The following GNG7 variants were observed in gnomAD, a reference collection of about 807,000 sequenced individuals.
GNG7 encodes the protein guanine nucleotide-binding protein G(I)/G(S)/G(O) subunit gamma-7.
GNG7 carries 1 observed loss-of-function variant against 4.0 expected under a neutral mutation model. That is an observed-to-expected ratio of 0.25 (90% CI 0.09 to 1.18). The LOEUF (loss-of-function observed/expected upper bound fraction) is 1.18. Ranked by LOEUF, GNG7 falls within the 50% of genes most tolerant of loss-of-function variation. GNG7 has a pLI of 0.50. For missense variants in GNG7, 86 were observed against 91.9 expected (o/e 0.94, Z 0.26); for synonymous variants, 34 against 36.9 (o/e 0.92, Z 0.29).
chr19:2,568,604 T>C (rs1980030672), intron 2 of GNG7, among the ~76,000 whole-genome samples: 2 of 149,092 alleles, frequency 1.3e-5, no homozygotes, highest in East Asian at 2.0e-4. Flanking sequence ...TATATAGACA[T>C]ACACACATAT....
In GNG7 at chr19:2,633,485, GCGCACACACACACACACACACACACA is replaced by G. The variant is rs1207269039; in HGVS notation, c.-78+12713_-78+12738del. Among the ~76,000 whole-genome samples, 4 of 131,914 alleles carry G rather than the reference GCGCACACACACACACACACACACACA, an allele frequency of 3.0e-5. No individual in the cohort carries two copies. The highest frequency in any genetic ancestry group is 6.4e-5 in the Non-Finnish European group (4 of 62,046). 86.5% of individuals were successfully genotyped at this position (131,914 alleles called of 152,430 possible). On this transcript the variant is annotated intron_variant, in intron 2 of 4. Coordinates refer to ENST00000382159, the MANE Select transcript of GNG7 (RefSeq NM_052847.3). The surrounding 1 kb of genome is among the most constrained non-coding windows in gnomAD (Gnocchi z 5.9). ...CTTAGCAACAGGCGCGCGCGCGCGC[GCGCACACACACACACACACACACACA>G]CACACACACACACGAGAGGTGGCTG...
chr19:2,566,410 G>C (rs986684245), intron 2 of GNG7, among the ~76,000 whole-genome samples: 1 of 152,118 alleles, frequency 6.6e-6, no homozygotes, highest in South Asian at 2.1e-4. Context: ...TTGGACTTCC[G>C]GTCTCCAGAG....
Position 2,582,656 on chromosome 19 carries a change from A to ATTTT in GNG7, c.-77-27472_-77-27469dup, listed in dbSNP as rs35625825. Among the ~76,000 whole-genome samples the ATTTT allele has an allele frequency of 2.4e-3, 207 of 86,154 alleles. 10 individuals are homozygous for ATTTT. The highest frequency in any genetic ancestry group is 6.0e-3 in the African/African-American group (136 of 22,798). The allele number at this position is 86,154 out of a possible 152,430, so 56.5% of individuals were successfully genotyped here. On this transcript the variant is annotated intron_variant, in intron 2 of 4. Coordinates refer to ENST00000382159, the MANE Select transcript of GNG7 (RefSeq NM_052847.3). ...TGCCACCATGGCTGGCTAATTGTTA[A>ATTTT]TTTTTTTTTTTTTTTTTTTTTTTTT...
intron 2 of GNG7, among the ~76,000 whole-genome samples, chr19:2,627,373 G>A (rs978384343): frequency 1.3e-5 from 2 of 152,086 alleles, no homozygotes; most frequent in African/African-American, 4.8e-5. Context: ...CCCACCCCCT[G>A]CATGGCTCCA....
At chr19:2,563,752 G>A (rs571733831) in intron 2 of GNG7, among the ~76,000 whole-genome samples, 42 of 152,248 alleles carry the variant, frequency 2.8e-4, no homozygotes, top group Non-Finnish European at 5.1e-4. Context: ...AAAGTGCTGG[G>A]ATAATAGGCA....
intron 3 of GNG7, among the ~76,000 whole-genome samples, chr19:2,522,339 G>A (rs941792537): frequency 1.3e-5 from 2 of 152,126 alleles, no homozygotes; most frequent in Non-Finnish European, 1.5e-5. Context: ...AGTCCCAGCC[G>A]GGCGTCTGTG....
chr19:2,541,515 A>C, intron 3 of GNG7, among the ~76,000 whole-genome samples: 1 of 151,980 alleles, frequency 6.6e-6, no homozygotes, highest in Non-Finnish European at 1.5e-5. Flanking sequence ...TGGGTGGATC[A>C]CGAGGTCAGG....
rs552183242 is a variant in GNG7, at chr19:2,669,257, T to C, written c.-134-22977A>G. ...CTGCCATCCCAGCACTTTGGGAGGC[T>C]AAGGCGGGCAGATCACGAGGTCGGG... On this transcript the variant is annotated intron_variant, in intron 1 of 4. Transcript: ENST00000382159. Among the ~76,000 whole-genome samples the C allele has an allele frequency of 3.9e-4, 60 of 152,250 alleles. 1 individual carries two copies. Among genetic ancestry groups the C allele is most frequent in the South Asian group, 1.5e-3 (7 of 4,824 alleles).
intron 2 of GNG7, among the ~76,000 whole-genome samples, chr19:2,625,586 T>C (rs1422259219): frequency 1.3e-5 from 2 of 152,082 alleles, no homozygotes; most frequent in African/African-American, 2.4e-5. Context: ...CACCAACTTG[T>C]AGAAGGGCCA....
At chr19:2,532,327 A>C (rs1016548828) in intron 3 of GNG7, among the ~76,000 whole-genome samples, 9 of 152,228 alleles carry the variant, frequency 5.9e-5, no homozygotes, top group Non-Finnish European at 1.3e-4. Flanking sequence ...AAAAGGAACC[A>C]GTGGATATGG....
chr19:2,511,779 GC>G lies in GNG7; in HGVS notation c.*3242del. The G allele has an allele frequency of 1.0e-6, 1 of 984,554 alleles. No homozygotes were observed. Among genetic ancestry groups the G allele is most frequent in the Non-Finnish European group, 1.2e-6 (1 of 828,734 alleles). The allele number at this position is 984,554 out of a possible 1,614,324, so 61.0% of individuals were successfully genotyped here. On this transcript the variant is annotated 3_prime_UTR_variant, in exon 5 of 5. Coordinates refer to ENST00000382159, the MANE Select transcript of GNG7 (RefSeq NM_052847.3). The surrounding 1 kb of genome is among the most constrained non-coding windows in gnomAD (Gnocchi z 6.3). ...GAGCACCTTCCGCCCTGGCCCAGCC[GC>G]CCCGTTTATGTCCCCAGAGGCCAGA...
intron 1 of GNG7, among the ~76,000 whole-genome samples, chr19:2,677,857 C>G (rs1983632865): frequency 6.6e-6 from 1 of 152,164 alleles, no homozygotes; most frequent in South Asian, 2.1e-4. Context: ...TGCTCAGCAC[C>G]CTACAGTGCC....
At position 2,579,838 on chromosome 19, in the gene GNG7, G is replaced by A. The variant is rs115318810; in HGVS notation, c.-77-24650C>T. On this transcript the variant is annotated intron_variant, in intron 2 of 4. Transcript: ENST00000382159. ...GCCACAAATGGGGGACTGGGAGGGG[G>A]TCTTAAAACCACAGACATGGATCCT... Among the ~76,000 whole-genome samples, 425 of 152,262 alleles carry A rather than the reference G, an allele frequency of 2.8e-3. 2 individuals carry two copies. Among genetic ancestry groups the A allele is most frequent in the African/African-American group, 9.7e-3 (402 of 41,564 alleles).
rs1983431538 is a variant in GNG7, at chr19:2,670,754, C to T, written c.-134-24474G>A. Among the ~76,000 whole-genome samples, 2 of 151,858 alleles carry T rather than the reference C, an allele frequency of 1.3e-5. 1 individual carries two copies. The highest frequency in any genetic ancestry group is 4.1e-4 in the South Asian group (2 of 4,820). ...CCACTCCATGCCAGGAGCCCTCGCC[C>T]CGCCCCCCACAAGTTGTGACAACCA... On this transcript the variant is annotated intron_variant, in intron 1 of 4. Coordinates refer to ENST00000382159, the MANE Select transcript of GNG7 (RefSeq NM_052847.3).
At chr19:2,673,339 A>G (rs959727578) in intron 1 of GNG7, among the ~76,000 whole-genome samples, 1 of 151,788 alleles carries the variant, frequency 6.6e-6, no homozygotes, top group African/African-American at 2.4e-5. Flanking sequence ...GAAGTGTCCC[A>G]GCAGAGTGTA....
intron 2 of GNG7, among the ~76,000 whole-genome samples, chr19:2,570,635 GAGAC>G (rs1441943893): frequency 6.6e-6 from 1 of 152,156 alleles, no homozygotes; most frequent in Admixed American, 6.5e-5. Flanking sequence ...GAGCTTGAGA[GAGAC>G]AGACAGCCCA....
chr19:2,533,201 A>G (rs1038212672), intron 3 of GNG7, among the ~76,000 whole-genome samples: 1 of 149,338 alleles, frequency 6.7e-6, no homozygotes, highest in African/African-American at 2.4e-5. Context: ...ACATTATTCA[A>G]TATTAAATAT....
rs887476112 is a variant in GNG7 at position 2,511,809 on chromosome 19, C to T, written c.*3213G>A. The T allele has an allele frequency of 1.3e-5, 13 of 986,142 alleles. No homozygotes were observed. Among genetic ancestry groups the T allele is most frequent in the Admixed American group, 6.1e-5 (1 of 16,276 alleles). 61.1% of individuals were successfully genotyped at this position (986,142 alleles called of 1,614,324 possible). A position where few individuals can be genotyped will look rare whatever the true frequency, so the allele number is the denominator to read the frequency against. On this transcript the variant is annotated 3_prime_UTR_variant, in exon 5 of 5. Coordinates refer to ENST00000382159, the MANE Select transcript of GNG7 (RefSeq NM_052847.3). This position sits in a 1 kb window ranked among gnomAD's most constrained non-coding sequence, Gnocchi z 6.3. ...GTTTATGTCCCCAGAGGCCAGAGGTCGCAGCTGAGCTATCTGTGCTTGGCC... is the reference window on the plus strand; with the variant it reads ...GTTTATGTCCCCAGAGGCCAGAGGTTGCAGCTGAGCTATCTGTGCTTGGCC...
At chr19:2,523,024 G>A (rs1978318355) in intron 3 of GNG7, among the ~76,000 whole-genome samples, 1 of 151,448 alleles carries the variant, frequency 6.6e-6, no homozygotes, top group Non-Finnish European at 1.5e-5. Flanking sequence ...GTGCCACCAT[G>A]CCTGGCTAAT....
Sources: gnomAD v4.1 joint callset for allele counts (sites outside exome capture counted in the v4.1 genomes callset) on GRCh38, gnomAD v4.1.1 for gene constraint, Gnocchi (gnomAD v3.1) non-coding constraint, MANE v1.5 for transcripts, NCBI Gene and HGNC (gene_info 2026-07-23, HGNC 2026-07-21) for gene names.